The following FNIP1 variants were observed in gnomAD, a reference collection of about 807,000 sequenced individuals.
FNIP1 encodes the protein folliculin interacting protein 1, also known as folliculin-interacting protein 1.
FNIP1 carries 40 observed loss-of-function variants against 124.5 expected under a neutral mutation model. That is an observed-to-expected ratio of 0.32 (90% CI 0.25 to 0.42). FNIP1 has a LOEUF of 0.42. Ranked by LOEUF, FNIP1 falls within the 10% of genes least tolerant of loss-of-function variation. The pLI, the probability that FNIP1 is intolerant of heterozygous loss-of-function variation, is 1.00. For missense variants in FNIP1, 1,176 were observed against 1,403.7 expected (o/e 0.84, Z 2.59); for synonymous variants, 472 against 470.6 (o/e 1.00, Z -0.04).
intron 11 of FNIP1, among the ~76,000 whole-genome samples, chr5:131,696,951 AAT>A (rs1375095656): frequency 6.6e-6 from 1 of 152,188 alleles, no homozygotes; most frequent in Non-Finnish European, 1.5e-5. Flanking sequence ...ATTATTATAC[AAT>A]AGTCATAAAC....
At chr5:131,796,567 C>T in intron 1 of FNIP1, 1 of 524,110 alleles carries the variant, frequency 1.9e-6, no homozygotes, top group Non-Finnish European at 3.4e-6. Context: ...AGCAGAGTCG[C>T]GCGTGGCTGG....
intron 11 of FNIP1, among the ~76,000 whole-genome samples, chr5:131,694,555 A>T (rs1001345519): frequency 3.9e-5 from 6 of 152,190 alleles, no homozygotes; most frequent in Non-Finnish European, 8.8e-5. Flanking sequence ...ATATAGAGAA[A>T]GTAAAGAGGT....
chr5:131,665,443 AAG>A (rs1767569104), intron 15 of FNIP1, among the ~76,000 whole-genome samples: 1 of 151,834 alleles, frequency 6.6e-6, no homozygotes, highest in African/African-American at 2.4e-5. Flanking sequence ...TATAATTCAG[AAG>A]ACTGTATTTT....
chr5:131,779,958 G>A (rs1219815165), intron 1 of FNIP1, among the ~76,000 whole-genome samples: 1 of 151,662 alleles, frequency 6.6e-6, no homozygotes, highest in African/African-American at 2.4e-5. Flanking sequence ...CCAGTACTTT[G>A]GGAGGCCAAG....
At chr5:131,724,908 T>G (rs917464706) in intron 3 of FNIP1, among the ~76,000 whole-genome samples, 1 of 152,208 alleles carries the variant, frequency 6.6e-6, no homozygotes, top group African/African-American at 2.4e-5. Context: ...CAGTTTCAGT[T>G]TTCTGCATAT....
At chr5:131,732,533 C>T (rs930548020) in intron 2 of FNIP1, among the ~76,000 whole-genome samples, 1 of 152,214 alleles carries the variant, frequency 6.6e-6, no homozygotes, top group Non-Finnish European at 1.5e-5. Context: ...GATCCAGTTT[C>T]AGCTTTCTAC....
intron 2 of FNIP1, among the ~76,000 whole-genome samples, chr5:131,744,254 A>C (rs1770601671): frequency 1.3e-5 from 2 of 152,264 alleles, no homozygotes; most frequent in Middle Eastern, 3.4e-3. Context: ...AAAAAAAATC[A>C]GCCTCAGCCA....
intron 1 of FNIP1, chr5:131,796,390 G>A (rs1020896692): frequency 1.7e-5 from 3 of 174,986 alleles, no homozygotes; most frequent in Admixed American, 6.2e-5. Flanking sequence ...CAACGCCAAC[G>A]GAGCTGGAAC....
At position 131,644,553 on chromosome 5, in the gene FNIP1, C is replaced by A. The variant is rs949211179; in HGVS notation, c.*132G>T. 1.4e-6 allele frequency: 1 copy of A among 711,806 alleles called. No individual in the cohort carries two copies. Among genetic ancestry groups the A allele is most frequent in the Admixed American group, 2.5e-5 (1 of 40,386 alleles). The allele number at this position is 711,806 out of a possible 1,614,324, so 44.1% of individuals were successfully genotyped here. A position where few individuals can be genotyped will look rare whatever the true frequency, so the allele number is the denominator to read the frequency against. On this transcript the variant is annotated 3_prime_UTR_variant, in exon 18 of 18. Transcript: ENST00000510461. ...CATACACAGAATATACAATGCTATG[C>A]AGAATACCCTGGTGACTGACTCATT...
chr5:131,677,427 A>G (rs185429394), intron 13 of FNIP1, among the ~76,000 whole-genome samples: 113 of 152,336 alleles, frequency 7.4e-4, no homozygotes, highest in South Asian at 6.2e-3. Context: ...CACAAAGTAC[A>G]AAATCATAAA....
intron 13 of FNIP1, among the ~76,000 whole-genome samples, chr5:131,675,440 AT>A (rs1388035682): frequency 1.3e-5 from 2 of 152,208 alleles, no homozygotes; most frequent in Non-Finnish European, 2.9e-5. Flanking sequence ...TCAACAAATG[AT>A]TGTAGAATTA....
intron 15 of FNIP1, among the ~76,000 whole-genome samples, chr5:131,661,651 G>A (rs918034962): frequency 1.3e-5 from 2 of 152,162 alleles, no homozygotes; most frequent in African/African-American, 4.8e-5. Context: ...ACAAAGTTGA[G>A]AGGTTTTTGC....
chr5:131,711,545 A>G (rs1769292153), intron 6 of FNIP1, among the ~76,000 whole-genome samples: 1 of 152,196 alleles, frequency 6.6e-6, no homozygotes, highest in Non-Finnish European at 1.5e-5. Context: ...GTAGGCTGGA[A>G]TGCAATGGCA....
In FNIP1 at chr5:131,672,562, G is replaced by T. The variant is rs1180332467; in HGVS notation, c.1882C>A (p.Gln628Lys). ...LGQNVENISQ[Q>K]EREDIQNSSK... The stretch of plus-strand genomic sequence containing the variant: ...CTGTTTTGAATATCTTCTCTCTCTT[G>T]TTGTGAAATGTTCTCTACATTTTGC... Residue 628 changes from glutamine (Q) to lysine (K), a missense_variant, in exon 14 of 18, where the codon CAA (glutamine) becomes AAA (lysine). Transcript: ENST00000510461. 1.2e-6 allele frequency: 2 copies of T among 1,614,010 alleles called. No homozygotes were observed. The highest frequency in any genetic ancestry group is 8.5e-7 in the Non-Finnish European group (1 of 1,180,000).
chr5:131,768,147 G>A (rs1434877738), intron 1 of FNIP1, among the ~76,000 whole-genome samples: 3 of 151,946 alleles, frequency 2.0e-5, no homozygotes, highest in Non-Finnish European at 4.4e-5. Flanking sequence ...TATATTTATT[G>A]TACAATTTAA....
At chr5:131,678,761 A>T (rs1767984822) in intron 12 of FNIP1, among the ~76,000 whole-genome samples, 1 of 152,196 alleles carries the variant, frequency 6.6e-6, no homozygotes, top group African/African-American at 2.4e-5. Flanking sequence ...ATAAATGGAT[A>T]CAACTCACAA....
chr5:131,767,427 C>CAAAAAAAAAAAAAA (rs139550903), intron 1 of FNIP1, among the ~76,000 whole-genome samples: 19 of 63,990 alleles, frequency 3.0e-4, no homozygotes, highest in African/African-American at 8.6e-4. Context: ...GATTCTGTCT[C>CAAAAAAAAAAAAAA]AAAAAAAAAA....
intron 6 of FNIP1, 61 bp from the exon 7 acceptor site, chr5:131,710,722 CA>C: frequency 1.4e-6 from 2 of 1,476,564 alleles, no homozygotes; most frequent in Non-Finnish European, 1.9e-6. Flanking sequence ...CACAATGCGT[CA>C]GGGAAAAAAG....
chr5:131,735,173 G>A (rs546742437), intron 2 of FNIP1, among the ~76,000 whole-genome samples: 20 of 152,074 alleles, frequency 1.3e-4, no homozygotes, highest in Non-Finnish European at 2.5e-4. Context: ...CACGGATGAA[G>A]CTGGAAACCA....
Sources: allele counts gnomAD v4.1 joint callset (sites outside exome capture counted in the v4.1 genomes callset), GRCh38; gene constraint gnomAD v4.1.1; transcripts MANE v1.5; gene names NCBI Gene and HGNC (gene_info 2026-07-23, HGNC 2026-07-21).